The following STK36 variants were observed in gnomAD, a reference collection of about 807,000 sequenced individuals.
The protein encoded by STK36 is serine/threonine-protein kinase 36.
A neutral mutation model predicts 142.2 loss-of-function variants in STK36; 116 were observed. The observed-to-expected ratio is 0.82, with a 90% CI of 0.70 to 0.95. STK36 has a LOEUF of 0.95. Among genes scored for constraint, STK36 ranks in the 40% least tolerant of loss-of-function variants. STK36 has a pLI of 0.00. For missense variants in STK36, 1,422 were observed against 1,617.2 expected (o/e 0.88, Z 2.07); for synonymous variants, 619 against 641.7 (o/e 0.96, Z 0.53).
Position 218,697,080 on chromosome 2 carries a change from A to G in STK36, c.2628A>G (p.Glu876=), listed in dbSNP as rs1210408229. ...ASLIRDMSSS[E]MWTVLWHRFS... ...TAATCAGGGATATGTCCAGTTCAGA[A>G]ATGTGGACCGTTTTGTGGCACCGCT... is the stretch of plus-strand genomic sequence containing the variant. Residue 876 remains glutamate, a synonymous_variant, in exon 23 of 27, where the codon GAA becomes GAG. Transcript: ENST00000295709. 2 of 1,614,166 alleles carry G rather than the reference A, an allele frequency of 1.2e-6. No individual in the cohort carries two copies. The highest frequency in any genetic ancestry group is 2.2e-5 in the South Asian group (2 of 91,080).
intron 11 of STK36, chr2:218,688,341 G>A: frequency 2.1e-6 from 1 of 476,828 alleles, no homozygotes; most frequent in South Asian, 1.5e-5. Context: ...TATATGCATT[G>A]TTTTGAATTT....
chr2:218,690,066 C>T, intron 13 of STK36, 110 bp downstream of exon 13: 3 of 1,081,320 alleles, frequency 2.8e-6, no homozygotes, highest in Non-Finnish European at 4.1e-6. Context: ...TGATTTGTTA[C>T]AGGTTTAGGA....
rs1407528877 is a variant in STK36, at chr2:218,685,207, G to C, written c.1359G>C (p.Gln453His). ...NPDFCQRIQS[Q>H]LHEAGGQILK... ...ACTTCTGCCAGCGCATCCAGAGTCAGCTGCATGAAGCTGGAGGGCAGGTAA... is the reference window on the plus strand; with the variant it reads ...ACTTCTGCCAGCGCATCCAGAGTCACCTGCATGAAGCTGGAGGGCAGGTAA... The change falls in exon 11 of 27, where the codon CAG becomes CAC. Residue 453 changes from glutamine to histidine, a missense_variant. Physicochemically the swap from Gln to His is conservative, Grantham distance 24. This residue lies in a region of STK36 where 962 missense variants were observed against 1,167.5 expected (regional missense o/e 0.82). Transcript: ENST00000295709. 9 of 1,614,212 alleles carry C rather than the reference G, an allele frequency of 5.6e-6. No individual in the cohort carries two copies. The highest frequency in any genetic ancestry group is 7.6e-6 in the Non-Finnish European group (9 of 1,180,036).
At position 218,694,496 on chromosome 2, in the gene STK36, T is replaced by G. The variant is rs760559946; in HGVS notation, c.2401-29T>G. On this transcript the variant is annotated intron_variant, in intron 20 of 26. Transcript: ENST00000295709. The surrounding 1 kb of genome is among the most constrained non-coding windows in gnomAD (Gnocchi z 4.4). Reference sequence around the variant, plus strand: ...CCTGAATGCCATTTAGATTTGGACATTCTTTCTCCTCTTTTACCTCTCCCA... The same window carrying G: ...CCTGAATGCCATTTAGATTTGGACAGTCTTTCTCCTCTTTTACCTCTCCCA... The G allele has an allele frequency of 6.2e-7, 1 of 1,605,670 alleles. No individual in the cohort carries two copies. Among genetic ancestry groups the G allele is most frequent in the Non-Finnish European group, 8.5e-7 (1 of 1,172,322 alleles).
At chr2:218,679,331 C>A in intron 7 of STK36, 70 bp downstream of exon 7, 1 of 1,463,856 alleles carries the variant, frequency 6.8e-7, no homozygotes, top group African/African-American at 1.4e-5. Context: ...CCTTTCACTT[C>A]CCCGACCATC....
chr2:218,687,548 C>T (rs995144164), intron 11 of STK36, among the ~76,000 whole-genome samples: 11 of 152,134 alleles, frequency 7.2e-5, no homozygotes, highest in African/African-American at 2.7e-4. Context: ...TTGCACTTGT[C>T]TTTTGGCGCT....
At chr2:218,698,085 T>A in intron 25 of STK36, 84 bp downstream of exon 25, 1 of 1,565,068 alleles carries the variant, frequency 6.4e-7, no homozygotes, top group Non-Finnish European at 8.7e-7. Flanking sequence ...GCTCCAGGGC[T>A]CTTCTAGGCC....
chr2:218,699,677 G>C (rs947433142), intron 26 of STK36, among the ~76,000 whole-genome samples: 2 of 151,134 alleles, frequency 1.3e-5, no homozygotes, highest in African/African-American at 4.9e-5. Flanking sequence ...CCATGAAGGT[G>C]CTGACTATTT....
chr2:218,682,728 G>T (rs139309969), intron 10 of STK36, among the ~76,000 whole-genome samples: 9,117 of 151,980 alleles, frequency 0.06, 914 homozygotes, highest in African/African-American at 0.21. Context: ...TGAGTAGCTG[G>T]GACTACAGGC....
At chr2:218,682,897 T>G (rs563183343) in intron 10 of STK36, among the ~76,000 whole-genome samples, 2 of 152,262 alleles carry the variant, frequency 1.3e-5, no homozygotes, top group South Asian at 2.1e-4. Context: ...GCCCACACAT[T>G]GCATTTAGTT....
At chr2:218,700,272 C>T (rs1941395507) in intron 26 of STK36, among the ~76,000 whole-genome samples, 1 of 152,060 alleles carries the variant, frequency 6.6e-6, no homozygotes, top group Admixed American at 6.6e-5. Flanking sequence ...GGCGCAATCT[C>T]AGCTCACTGT....
chr2:218,675,763 A>G (rs559871910), intron 5 of STK36, among the ~76,000 whole-genome samples: 1 of 151,984 alleles, frequency 6.6e-6, no homozygotes, highest in South Asian at 2.1e-4. Context: ...ACCTCAGGTG[A>G]TCTGCCCACC....
intron 9 of STK36, 82 bp from the exon 10 acceptor site, chr2:218,680,520 TG>T: frequency 8.8e-7 from 1 of 1,130,528 alleles, no homozygotes; most frequent in Non-Finnish European, 1.3e-6. Flanking sequence ...ATTCTTATCC[TG>T]GGTCTACAGA....
chr2:218,694,367 A>T lies in STK36; in HGVS notation c.2400+40A>T, dbSNP rs1193427422. ...TTCACCCTCCTCCCCTTTTCACCCT[A>T]GCATCTACCCCTTGTGGAAGTGGGG... On this transcript the variant is annotated intron_variant, in intron 20 of 26. Transcript: ENST00000295709. The surrounding 1 kb of genome is among the most constrained non-coding windows in gnomAD (Gnocchi z 4.4). 3.2e-6 allele frequency: 5 copies of T among 1,584,326 alleles called. No individual in the cohort carries two copies. In the South Asian group the frequency reaches 5.5e-5, roughly 18 times the overall value.
chr2:218,696,548 A>G lies in STK36; in HGVS notation c.2533A>G (p.Ser845Gly). ...ACAGGTTCGGTTGACTCCACCAGGT[A>G]GTTGTGGATTCTATGATGGCCTCCT... ...PAEVRLTPPG[S>G]CGFYDGLLIL... The change falls in exon 22 of 27, where the codon AGT (serine) becomes GGT (glycine). Residue 845 changes from serine to glycine, a missense_variant. Around this residue, in one of 2 missense-constraint regions of STK36, gnomAD observed 962 missense variants for 1,167.5 expected, o/e 0.82. Transcript: ENST00000295709. The G allele has an allele frequency of 6.2e-7, 1 of 1,614,052 alleles. No individual in the cohort carries two copies. Among genetic ancestry groups the G allele is most frequent in the Non-Finnish European group, 8.5e-7 (1 of 1,179,950 alleles).
chr2:218,672,246 G>A, intron 1 of STK36, 31 bp downstream of exon 1: 2 of 541,744 alleles, frequency 3.7e-6, no homozygotes, highest in Non-Finnish European at 6.6e-6. Flanking sequence ...AGACCGGAGG[G>A]AGAGGCGGGT....
intron 10 of STK36, 166 bp from the exon 11 acceptor site, chr2:218,684,919 G>A (rs575177515): frequency 6.5e-6 from 5 of 765,986 alleles, no homozygotes; most frequent in Non-Finnish European, 1.0e-5. Context: ...CTCACAGACT[G>A]CCAGCTGTAC....
In STK36 at chr2:218,697,453, G is replaced by T; in HGVS notation, c.2762-10G>T. On this transcript the variant is annotated splice_polypyrimidine_tract_variant and intron_variant, in intron 23 of 26. Coordinates refer to ENST00000295709, the MANE Select transcript of STK36 (RefSeq NM_015690.5). ...CTGTTCCATTGGGTCTCCATTTTTG[G>T]TGTTACCAGGCATGGCAGCCCTGCT... 6.2e-7 allele frequency: 1 copy of T among 1,612,850 alleles called. No individual in the cohort carries two copies. The highest frequency in any genetic ancestry group is 8.5e-7 in the Non-Finnish European group (1 of 1,179,626).
chr2:218,684,941 G>C (rs1431732643), intron 10 of STK36, 144 bp from the exon 11 acceptor site: 3 of 970,888 alleles, frequency 3.1e-6, no homozygotes, highest in Non-Finnish European at 4.4e-6. Context: ...TTTTTTAGCA[G>C]GTGACTGAAG....
Sources: gnomAD v4.1 joint callset for allele counts (sites outside exome capture counted in the v4.1 genomes callset) on GRCh38, gnomAD v4.1.1 for gene constraint, gnomAD v4.1.1 regional missense constraint, Gnocchi (gnomAD v3.1) non-coding constraint, MANE v1.5 for transcripts, NCBI Gene and HGNC (gene_info 2026-07-23, HGNC 2026-07-21) for gene names.